GINS4: variants seen among roughly 807,000 people sequenced by gnomAD.
GINS4 encodes the protein GINS complex subunit 4.
Under a neutral mutation model 31.1 loss-of-function variants are expected in GINS4, and 20 were observed. The observed-to-expected ratio is 0.64, with a 90% CI of 0.45 to 0.93. GINS4 has a LOEUF of 0.93. GINS4 is among the 40% of genes least tolerant of loss of function. The pLI is 0.00. For missense variants in GINS4, 245 were observed against 273.9 expected (o/e 0.89, Z 0.75); for synonymous variants, 85 against 97.9 (o/e 0.87, Z 0.78).
chr8:41,541,498 G>C (rs994550415), intron 6 of GINS4, among the ~76,000 whole-genome samples: 1 of 152,162 alleles, frequency 6.6e-6, no homozygotes, highest in Non-Finnish European at 1.5e-5. Flanking sequence ...AATACTGGGG[G>C]TTAGGGCTTC....
intron 2 of GINS4, among the ~76,000 whole-genome samples, chr8:41,534,926 A>G (rs1806716366): frequency 2.6e-5 from 4 of 152,062 alleles, no homozygotes; most frequent in African/African-American, 2.4e-5. Context: ...GAGTTTCACC[A>G]TGTTAGCCAG....
Position 41,530,307 on chromosome 8 carries a change from C to T in GINS4, c.96+9C>T. ...TTGAAAGATTGGAGCAGGTAAGCAT[C>T]CCAGATCGAATCCCTTTGCTCCAGT... is the stretch of plus-strand genomic sequence containing the variant. On this transcript the variant is annotated intron_variant, in intron 2 of 7. Transcript: ENST00000276533. 1 of 1,594,472 alleles carries T rather than the reference C, an allele frequency of 6.3e-7. No individual in the cohort carries two copies. Among genetic ancestry groups the T allele is most frequent in the East Asian group, 2.2e-5 (1 of 44,566 alleles).
chr8:41,535,128 A>G (rs1302986961), intron 2 of GINS4, among the ~76,000 whole-genome samples: 1 of 152,088 alleles, frequency 6.6e-6, no homozygotes, highest in Non-Finnish European at 1.5e-5. Context: ...ACTTGAGGTC[A>G]GGAGTTCAAG....
In GINS4 at chr8:41,542,352, C is replaced by G. The variant is rs1273024773; in HGVS notation, c.*265C>G. 2.1e-6 allele frequency: 1 copy of G among 465,148 alleles called. No homozygotes were observed. The highest frequency in any genetic ancestry group is 2.0e-5 in the African/African-American group (1 of 51,102). The allele number at this position is 465,148 out of a possible 1,614,324, so 28.8% of individuals were successfully genotyped here. A position where few individuals can be genotyped will look rare whatever the true frequency, so the allele number is the denominator to read the frequency against. ...TGAGCCGAGGTCGTGCCATTGCACT[C>G]CAGCCTGGGTGACAGTGAGACTTTG... On this transcript the variant is annotated 3_prime_UTR_variant, in exon 8 of 8. Transcript: ENST00000276533.
At position 41,543,447 on chromosome 8, in the gene GINS4, G is replaced by A. The variant is rs1256187826; in HGVS notation, c.*1360G>A. The stretch of plus-strand genomic sequence containing the variant: ...ACCTGTGGCCGCTTTTCTGGTTTAA[G>A]TCCTTCACTTTTTCAAGAGGAATGG... On this transcript the variant is annotated 3_prime_UTR_variant, in exon 8 of 8. Coordinates refer to ENST00000276533, the MANE Select transcript of GINS4 (RefSeq NM_032336.3). The A allele has an allele frequency of 6.6e-6, 1 of 152,216 alleles. No individual in the cohort carries two copies. Among genetic ancestry groups the A allele is most frequent in the Non-Finnish European group, 1.5e-5 (1 of 68,050 alleles). The allele number at this position is 152,216 out of a possible 1,614,324, so 9.4% of individuals were successfully genotyped here.
At position 41,537,199 on chromosome 8, in the gene GINS4, C is replaced by T; in HGVS notation, c.203C>T (p.Ala68Val). ...TAATAGGAAGAAAATCTCAGGAGAG[C>T]CAAAAGGGAGGACCTGAAGGTCAGC... ...LEHMEENLRR[A>V]KREDLKVSIH... Residue 68 changes from alanine to valine, a missense_variant, in exon 4 of 8, where the codon GCC becomes GTC. By Grantham distance (64) the Ala-to-Val change is moderately conservative. Transcript: ENST00000276533. The T allele has an allele frequency of 6.2e-7, 1 of 1,612,364 alleles. No individual in the cohort carries two copies. Among genetic ancestry groups the T allele is most frequent in the South Asian group, 1.1e-5 (1 of 91,026 alleles).
chr8:41,536,316 T>C, intron 2 of GINS4, 44 bp from the exon 3 acceptor site: 1 of 1,198,402 alleles, frequency 8.3e-7, no homozygotes, highest in Non-Finnish European at 1.2e-6. Context: ...GTTGTTTAGC[T>C]CTGTGGTGGG....
intron 2 of GINS4, among the ~76,000 whole-genome samples, chr8:41,532,366 C>G (rs909506442): frequency 9.3e-5 from 14 of 150,886 alleles, no homozygotes; most frequent in Non-Finnish European, 8.9e-5. Context: ...ATTGGAAGAA[C>G]TGAAAAACGT....
At chr8:41,534,501 T>C (rs143463173) in intron 2 of GINS4, 1 of 183,044 alleles carries the variant, frequency 5.5e-6, no homozygotes, top group Non-Finnish European at 1.2e-5. Flanking sequence ...TATACTAATA[T>C]AAACTTCCAC....
intron 2 of GINS4, among the ~76,000 whole-genome samples, chr8:41,533,011 A>G (rs542451906): frequency 9.8e-5 from 15 of 152,290 alleles, no homozygotes; most frequent in African/African-American, 3.6e-4. Flanking sequence ...TTCCGCATGT[A>G]CTCTAGGAGA....
rs755668554 is a variant in GINS4, at chr8:41,536,398, G to A, written c.135G>A (p.Glu45=). The A allele has an allele frequency of 5.0e-5, 81 of 1,612,496 alleles. No individual in the cohort carries two copies. The highest frequency in any genetic ancestry group is 6.4e-5 in the Non-Finnish European group (76 of 1,178,646). ...MNEKFAPELL[E]SKPEIVECVM... is the part of the protein sequence containing the mutation. Reference sequence around the variant, plus strand: ...AAAAGTTTGCCCCTGAGCTGCTGGAGAGCAAGCCTGAGATTGTAGAATGTG... The same window carrying A: ...AAAAGTTTGCCCCTGAGCTGCTGGAAAGCAAGCCTGAGATTGTAGAATGTG... The change falls in exon 3 of 8, where the codon GAG becomes GAA. Residue 45 remains glutamate (E), a synonymous_variant. Coordinates refer to ENST00000276533, the MANE Select transcript of GINS4 (RefSeq NM_032336.3).
chr8:41,532,242 T>C (rs1806658274), intron 2 of GINS4, among the ~76,000 whole-genome samples: 1 of 152,182 alleles, frequency 6.6e-6, no homozygotes, highest in Admixed American at 6.5e-5. Context: ...CAGTACAGAC[T>C]GATACCTCAG....
intron 3 of GINS4, 186 bp from the exon 4 acceptor site, chr8:41,536,994 A>C (rs1806750493): frequency 1.8e-6 from 1 of 551,426 alleles, no homozygotes. Flanking sequence ...GGCTGAACAG[A>C]TTCTATTCAA....
intron 2 of GINS4, among the ~76,000 whole-genome samples, chr8:41,534,597 T>A (rs1000866372): frequency 6.6e-6 from 1 of 152,206 alleles, no homozygotes; most frequent in Non-Finnish European, 1.5e-5. Context: ...ACAAGCACTA[T>A]CATTTTCTTT....
Position 41,543,726 on chromosome 8 carries a change from CGG to C in GINS4, c.*1640_*1641del, listed in dbSNP as rs1278584533. 2.0e-5 allele frequency: 3 copies of C among 150,168 alleles called. No individual in the cohort carries two copies. Among genetic ancestry groups the C allele is most frequent in the African/African-American group, 7.4e-5 (3 of 40,728 alleles). 9.3% of individuals were successfully genotyped at this position (150,168 alleles called of 1,614,324 possible). A position where few individuals can be genotyped will look rare whatever the true frequency, so the allele number is the denominator to read the frequency against. The stretch of plus-strand genomic sequence containing the variant: ...TCTTTTTTTTTTTTCTTTTTTGAGA[CGG>C]AGTTTCCCTCTTGTTACCCAGGCTG... On this transcript the variant is annotated 3_prime_UTR_variant, in exon 8 of 8. Transcript: ENST00000276533.
intron 2 of GINS4, chr8:41,534,332 TG>T: frequency 2.8e-6 from 1 of 358,114 alleles, no homozygotes; most frequent in Admixed American, 2.9e-5. Flanking sequence ...ACTTAAGCCT[TG>T]GAGGTCAAGA....
intron 2 of GINS4, among the ~76,000 whole-genome samples, chr8:41,535,421 A>G (rs117970954): frequency 1.3e-5 from 2 of 152,226 alleles, no homozygotes; most frequent in East Asian, 3.9e-4. Flanking sequence ...AGAAAATATG[A>G]TGTTTTCCCA....
chr8:41,530,242 G>A lies in GINS4; in HGVS notation c.40G>A (p.Gly14Arg), dbSNP rs748643785. 1.2e-6 allele frequency: 2 copies of A among 1,613,860 alleles called. No homozygotes were observed. Among genetic ancestry groups the A allele is most frequent in the Non-Finnish European group, 8.5e-7 (1 of 1,179,872 alleles). Residue 14 changes from glycine to arginine, a missense_variant, in exon 2 of 8, where the codon GGG becomes AGG. Gly to Arg is a moderately radical substitution (Grantham distance 125). Transcript: ENST00000276533. The part of the protein sequence containing the change: ...EVDFLGQDSD[G>R]GSEEVVLTPA... The stretch of plus-strand genomic sequence containing the variant: ...GGATTTCCTGGGACAGGACTCTGAT[G>A]GGGGTAGTGAGGAAGTGGTCCTAAC...
chr8:41,530,400 T>A (rs1171747916), intron 2 of GINS4, 102 bp downstream of exon 2: 2 of 809,420 alleles, frequency 2.5e-6, no homozygotes, highest in African/African-American at 1.7e-5. Context: ...ATTTGGGGCT[T>A]ACTTTAGAAC....
Sources: gnomAD v4.1 joint callset for allele counts (sites outside exome capture counted in the v4.1 genomes callset) on GRCh38, gnomAD v4.1.1 for gene constraint, MANE v1.5 for transcripts, NCBI Gene and HGNC (gene_info 2026-07-23, HGNC 2026-07-21) for gene names.